Variants in ST7 observed in about 807,000 individuals in gnomAD.
ST7 encodes the protein suppressor of tumorigenicity 7 protein.
ST7 carries 28 observed loss-of-function variants against 78.7 expected under a neutral mutation model. That is an observed-to-expected ratio of 0.36 (90% CI 0.26 to 0.49). ST7 has a LOEUF of 0.49. Ranked by LOEUF, ST7 falls within the 20% of genes least tolerant of loss-of-function variation. The pLI is 0.99. For synonymous variants in ST7, 247 were observed against 249.6 expected, an observed-to-expected ratio of 0.99 and a Z score of 0.10; for missense variants, 418 against 696.0, an observed-to-expected ratio of 0.60 and a Z score of 4.49.
intron 1 of ST7, among the ~76,000 whole-genome samples, chr7:117,040,887 G>A (rs1412539551): frequency 6.6e-6 from 1 of 152,106 alleles, no homozygotes; most frequent in Non-Finnish European, 1.5e-5. Context: ...TCATTCTGTA[G>A]AACTTATTCC....
chr7:117,080,574 C>G (rs972750194), intron 1 of ST7, among the ~76,000 whole-genome samples: 3 of 151,882 alleles, frequency 2.0e-5, no homozygotes, highest in Non-Finnish European at 4.4e-5. Context: ...ATTATTATCT[C>G]CTTAGGCTAA....
intron 7 of ST7, among the ~76,000 whole-genome samples, chr7:117,135,161 C>T (rs1480834374): frequency 6.6e-6 from 1 of 152,002 alleles, no homozygotes; most frequent in Non-Finnish European, 1.5e-5. Context: ...TCACCACTTC[C>T]CTATTACATT....
At chr7:116,993,221 G>T (rs991923618) in intron 1 of ST7, among the ~76,000 whole-genome samples, 4 of 152,138 alleles carry the variant, frequency 2.6e-5, no homozygotes, top group African/African-American at 9.7e-5. Flanking sequence ...TACTGTATTA[G>T]TTTGTTTTCA....
intron 1 of ST7, chr7:116,957,108 A>G (rs1792545323): frequency 6.1e-6 from 1 of 165,186 alleles, no homozygotes; most frequent in Non-Finnish European, 1.3e-5. Flanking sequence ...CCAAGTAAAA[A>G]TGCTTTGAAT....
At chr7:116,957,515 G>C (rs1296124121) in intron 1 of ST7, among the ~76,000 whole-genome samples, 1 of 152,074 alleles carries the variant, frequency 6.6e-6, no homozygotes, top group Non-Finnish European at 1.5e-5. Flanking sequence ...ACTGATTTTT[G>C]AGGCTCTGCT....
intron 1 of ST7, among the ~76,000 whole-genome samples, chr7:117,022,052 G>C (rs1319348515): frequency 1.9e-5 from 2 of 107,972 alleles, no homozygotes; most frequent in African/African-American, 5.6e-5. Context: ...CAGTGCAGAA[G>C]TCTTTGGTTC....
chr7:117,184,521 T>G (rs1809058521), intron 10 of ST7, among the ~76,000 whole-genome samples: 1 of 152,258 alleles, frequency 6.6e-6, no homozygotes, highest in Admixed American at 6.5e-5. Flanking sequence ...TCTATTCATC[T>G]TATCATTTTA....
chr7:117,032,929 A>ATATAACGCAGTGCTTATATATAT, intron 1 of ST7, among the ~76,000 whole-genome samples: 1 of 152,228 alleles, frequency 6.6e-6, no homozygotes, highest in Admixed American at 6.5e-5. Flanking sequence ...TTTTATTGTA[A>ATATAACGCAGTGCTTATATATAT]ATATATAACG....
intron 1 of ST7, among the ~76,000 whole-genome samples, chr7:117,048,854 G>C (rs1797622386): frequency 6.6e-6 from 1 of 152,082 alleles, no homozygotes; most frequent in South Asian, 2.1e-4. Context: ...CCTTTCCATA[G>C]AGTATTGTGT....
chr7:117,095,676 T>C (rs890943539), intron 1 of ST7, among the ~76,000 whole-genome samples: 2 of 152,188 alleles, frequency 1.3e-5, no homozygotes, highest in African/African-American at 4.8e-5. Flanking sequence ...TAAAGTATTA[T>C]AGTTTATTTT....
chr7:117,209,218 TCA>T (rs1337897006), intron 12 of ST7, among the ~76,000 whole-genome samples: 1 of 152,114 alleles, frequency 6.6e-6, no homozygotes, highest in African/African-American at 2.4e-5. Flanking sequence ...TCGAAGAGTG[TCA>T]CAGTTTGGGG....
intron 1 of ST7, chr7:117,015,062 A>G: frequency 1.0e-6 from 1 of 968,310 alleles, no homozygotes; most frequent in Non-Finnish European, 1.4e-6. Flanking sequence ...ATTACTTTAA[A>G]AATAATATTT....
intron 1 of ST7, among the ~76,000 whole-genome samples, chr7:117,002,952 A>C (rs1366546412): frequency 4.1e-5 from 6 of 146,628 alleles, no homozygotes; most frequent in Non-Finnish European, 8.9e-5. Context: ...CCTCCTGAGT[A>C]GCTGGGATTA....
At chr7:117,009,682 TA>T (rs1203402809) in intron 1 of ST7, among the ~76,000 whole-genome samples, 1 of 152,168 alleles carries the variant, frequency 6.6e-6, no homozygotes, top group Non-Finnish European at 1.5e-5. Flanking sequence ...TTAATTGCTA[TA>T]TTTTTTTTTA....
intron 5 of ST7, among the ~76,000 whole-genome samples, chr7:117,131,415 A>G (rs1308627606): frequency 6.6e-6 from 1 of 151,830 alleles, no homozygotes; most frequent in Non-Finnish European, 1.5e-5. Flanking sequence ...CATGTTAAGC[A>G]AAAGCTTAAG....
At chr7:117,076,190 G>A (rs942373255) in intron 1 of ST7, among the ~76,000 whole-genome samples, 14 of 152,148 alleles carry the variant, frequency 9.2e-5, no homozygotes, top group African/African-American at 3.4e-4. Context: ...CTTTCAGTGT[G>A]GCGAGCAGCA....
intron 1 of ST7, among the ~76,000 whole-genome samples, chr7:117,015,352 C>T (rs1430426253): frequency 1.3e-5 from 2 of 152,158 alleles, no homozygotes; most frequent in South Asian, 2.1e-4. Context: ...TTATTCCACA[C>T]AGGGAATAAA....
At chr7:116,963,866 C>T (rs536511623) in intron 1 of ST7, among the ~76,000 whole-genome samples, 4 of 152,100 alleles carry the variant, frequency 2.6e-5, no homozygotes, top group Admixed American at 1.3e-4. Flanking sequence ...CTCCTGACTT[C>T]GTGATCCGCC....
intron 2 of ST7, among the ~76,000 whole-genome samples, chr7:117,101,755 C>T (rs1801583534): frequency 1.3e-5 from 2 of 152,134 alleles, no homozygotes; most frequent in South Asian, 4.1e-4. Context: ...CAGCCAACTC[C>T]AGAAACCCCA....
Sources: gnomAD v4.1 joint callset for allele counts (sites outside exome capture counted in the v4.1 genomes callset) on GRCh38, gnomAD v4.1.1 for gene constraint, MANE v1.5 for transcripts, NCBI Gene and HGNC (gene_info 2026-07-23, HGNC 2026-07-21) for gene names.